Variants in DPYD observed in about 807,000 individuals in gnomAD.
DPYD encodes dihydropyrimidine dehydrogenase, also known as dihydropyrimidine dehydrogenase [NADP(+)].
In DPYD, 109 loss-of-function variants were observed where a neutral mutation model predicts 116.2. That is an observed-to-expected ratio of 0.94 (90% CI 0.80 to 1.10). The LOEUF is 1.10. Ranked by LOEUF, DPYD falls within the 50% of genes least tolerant of loss-of-function variation. The probability of loss-of-function intolerance (pLI) is 0.00; values close to 1 mark genes in which losing one functional copy is unlikely to be tolerated. For synonymous variants in DPYD, 440 were observed against 432.0 expected (o/e 1.02, Z -0.23); for missense variants, 1,302 against 1,254.5 (o/e 1.04, Z -0.57).
At chr1:97,627,269 A>G (rs1656987756) in intron 8 of DPYD, among the ~76,000 whole-genome samples, 1 of 152,132 alleles carries the variant, frequency 6.6e-6, no homozygotes, top group Non-Finnish European at 1.5e-5. Context: ...TTCAAATCCT[A>G]CATAATTTAA....
intron 19 of DPYD, among the ~76,000 whole-genome samples, chr1:97,195,611 T>C (rs1198641038): frequency 5.7e-5 from 7 of 122,066 alleles, no homozygotes; most frequent in African/African-American, 1.9e-4. Context: ...TGTGTGTATA[T>C]ATATGTATGT....
intron 5 of DPYD, among the ~76,000 whole-genome samples, chr1:97,703,866 T>C (rs1041980073): frequency 6.6e-6 from 1 of 152,086 alleles, no homozygotes; most frequent in Admixed American, 6.6e-5. Context: ...CATGTTCATA[T>C]ACTTTAATTT....
At chr1:97,213,274 G>A (rs1342044248) in intron 19 of DPYD, among the ~76,000 whole-genome samples, 1 of 152,014 alleles carries the variant, frequency 6.6e-6, no homozygotes, top group African/African-American at 2.4e-5. Context: ...GATTACTGGA[G>A]GTATAAATAA....
chr1:97,180,462 T>C (rs1167900190), intron 20 of DPYD, among the ~76,000 whole-genome samples: 1 of 152,130 alleles, frequency 6.6e-6, no homozygotes, highest in East Asian at 1.9e-4. Flanking sequence ...GCTAACTGGT[T>C]TGCTATAAAT....
chr1:97,766,930 A>G (rs1265642861), intron 3 of DPYD, among the ~76,000 whole-genome samples: 5 of 152,192 alleles, frequency 3.3e-5, no homozygotes, highest in Non-Finnish European at 7.3e-5. Context: ...ATAGACTACG[A>G]AGGTCATCAT....
At chr1:97,710,153 C>T (rs1243018178) in intron 5 of DPYD, among the ~76,000 whole-genome samples, 2 of 151,774 alleles carry the variant, frequency 1.3e-5, no homozygotes, top group African/African-American at 4.8e-5. Flanking sequence ...AATAATACAT[C>T]AGTTTTTCTT....
intron 3 of DPYD, among the ~76,000 whole-genome samples, chr1:97,765,210 A>G (rs758264114): frequency 2.6e-5 from 4 of 152,192 alleles, no homozygotes; most frequent in Non-Finnish European, 5.9e-5. Flanking sequence ...ATTGTCATAA[A>G]CTCATTGTGG....
intron 8 of DPYD, among the ~76,000 whole-genome samples, chr1:97,625,377 G>T (rs551022360): frequency 6.6e-6 from 1 of 152,052 alleles, no homozygotes; most frequent in South Asian, 2.1e-4. Flanking sequence ...TAAGCATCTG[G>T]ATTAGAGTAG....
In DPYD at chr1:97,515,761, C is replaced by A; in HGVS notation, c.1705G>T (p.Gly569Cys). 6.2e-7 allele frequency: 1 copy of A among 1,612,562 alleles called. No homozygotes were observed. Among genetic ancestry groups the A allele is most frequent in the Non-Finnish European group, 8.5e-7 (1 of 1,179,146 alleles). The change falls in exon 13 of 23, where the codon GGT becomes TGT. Residue 569 changes from glycine to cysteine, a missense_variant. Coordinates refer to ENST00000370192, the MANE Select transcript of DPYD (RefSeq NM_000110.4). ...GAGAAAGTTTTGGTGAGGGCAAAAC[C>A]CCATCCAGCTTCAAAAGCTCTTCGA... Reference protein sequence around the residue: ...MIRRAFEAGWGFALTKTFSLD... With the variant: ...MIRRAFEAGWCFALTKTFSLD...
rs1671877961 is a variant in DPYD at position 97,875,674 on chromosome 1, T to A, written c.150+7590A>T. On this transcript the variant is annotated intron_variant, in intron 2 of 22. Transcript: ENST00000370192. ...ACATTTCACAGTATATTTTTCCCTC[T>A]CTAATTTTTTTCCCTCTGCTGAAAT... 3.9e-5 allele frequency among the ~76,000 whole-genome samples: 6 copies of A among 152,010 alleles called. No individual in the cohort carries two copies. The South Asian group carries it at 8.3e-4, about 21-fold the overall frequency.
intron 3 of DPYD, among the ~76,000 whole-genome samples, chr1:97,826,373 T>C (rs1401937512): frequency 6.6e-6 from 1 of 151,504 alleles, no homozygotes; most frequent in Non-Finnish European, 1.5e-5. Context: ...TCCTTGTATT[T>C]TCCTCATTCA....
intron 16 of DPYD, among the ~76,000 whole-genome samples, chr1:97,353,627 GTTTT>G (rs35564684): frequency 1.4e-4 from 18 of 133,320 alleles, no homozygotes; most frequent in East Asian, 1.1e-3. Flanking sequence ...ACTGCATTCT[GTTTT>G]TTTTTTTTTT....
intron 14 of DPYD, among the ~76,000 whole-genome samples, chr1:97,391,769 T>C (rs575237393): frequency 2.0e-5 from 3 of 152,152 alleles, no homozygotes; most frequent in African/African-American, 7.2e-5. Flanking sequence ...TATCACACTT[T>C]GGCTTCAAAT....
Position 97,617,306 on chromosome 1 carries a change from C to G in DPYD, c.851-22140G>C, listed in dbSNP as rs78074197. 6.6e-4 allele frequency among the ~76,000 whole-genome samples: 101 copies of G among 152,208 alleles called. 1 individual carries two copies. Among genetic ancestry groups the G allele is most frequent in the African/African-American group, 2.4e-3 (98 of 41,524 alleles). ...TACAAAAACACTCAACTATCCATGC[C>G]TAAATAAAGGTAATTGGCTAGGGAC... On this transcript the variant is annotated intron_variant, in intron 8 of 22. Transcript: ENST00000370192.
intron 13 of DPYD, among the ~76,000 whole-genome samples, chr1:97,473,219 A>G (rs1369529437): frequency 6.6e-6 from 1 of 152,180 alleles, no homozygotes; most frequent in African/African-American, 2.4e-5. Flanking sequence ...AGATCATACA[A>G]TACAGTAGTA....
At chr1:97,910,689 C>T (rs9727976) in intron 1 of DPYD, among the ~76,000 whole-genome samples, 115,396 of 151,930 alleles carry the variant, frequency 0.76, 43,962 homozygotes, top group East Asian at 0.93. Flanking sequence ...TGCTGTCCTT[C>T]CACTACAATC....
rs912463452 is a variant in DPYD at position 97,720,339 on chromosome 1, TG to T, written c.483+1170del. 3.3e-5 allele frequency: 33 copies of T among 985,546 alleles called. No homozygotes were observed. In the African/African-American group the frequency reaches 5.8e-4, roughly 17 times the overall value. The allele number at this position is 985,546 out of a possible 1,614,324, so 61.1% of individuals were successfully genotyped here. On this transcript the variant is annotated intron_variant, in intron 5 of 22. Coordinates refer to ENST00000370192, the MANE Select transcript of DPYD (RefSeq NM_000110.4). ...TTGCCCTGGTTTAATGAAGAGGCAATGGGTCCCCAAAGAAAAGTGAGGAGGA... is the reference window on the plus strand; with the variant it reads ...TTGCCCTGGTTTAATGAAGAGGCAATGGTCCCCAAAGAAAAGTGAGGAGGA...
intron 21 of DPYD, among the ~76,000 whole-genome samples, chr1:97,090,619 CCT>C (rs1299017512): frequency 6.6e-6 from 1 of 152,192 alleles, no homozygotes; most frequent in African/African-American, 2.4e-5. Context: ...CCCTTTCACT[CCT>C]CTGTTTTCCC....
intron 8 of DPYD, among the ~76,000 whole-genome samples, chr1:97,650,978 G>C (rs910923050): frequency 4.6e-5 from 7 of 152,048 alleles, no homozygotes; most frequent in Non-Finnish European, 1.0e-4. Context: ...TAAAATGATA[G>C]ATTATTCAAA....
Sources: allele counts gnomAD v4.1 joint callset (sites outside exome capture counted in the v4.1 genomes callset), GRCh38; gene constraint gnomAD v4.1.1; transcripts MANE v1.5; gene names NCBI Gene and HGNC (gene_info 2026-07-23, HGNC 2026-07-21).